Variants in SLC6A2 observed in about 807,000 individuals in gnomAD.
The protein encoded by SLC6A2 is sodium-dependent noradrenaline transporter.
Under a neutral mutation model 71.7 loss-of-function variants are expected in SLC6A2, and 26 were observed. The observed-to-expected ratio is 0.36, with a 90% CI of 0.27 to 0.50. SLC6A2 has a LOEUF of 0.50. SLC6A2 is among the 20% of genes least tolerant of loss of function. The pLI, the probability that SLC6A2 is intolerant of heterozygous loss-of-function variation, is 0.96. For synonymous variants in SLC6A2, 363 were observed against 337.9 expected, an observed-to-expected ratio of 1.07 and a Z score of -0.82; for missense variants, 581 against 803.9, an observed-to-expected ratio of 0.72 and a Z score of 3.35.
In SLC6A2 at chr16:55,700,164, A is replaced by C. The variant is rs781424360; in HGVS notation, c.1616A>C (p.Asn539Thr). 5.0e-6 allele frequency: 8 copies of C among 1,613,776 alleles called. No homozygotes were observed. The highest frequency in any genetic ancestry group is 5.9e-6 in the Non-Finnish European group (7 of 1,179,992). ...TTCGTGGTTGTGGTCAGCATCATCA[A>C]CTTCAAGCCACTCACCTACGACGAC... ...LLFVVVVSIINFKPLTYDDYI... is the reference protein window; with the variant it reads ...LLFVVVVSIITFKPLTYDDYI... Residue 539 changes from asparagine (N) to threonine (T), a missense_variant, in exon 13 of 15, where the codon AAC becomes ACC. Asn to Thr is a moderately conservative substitution (Grantham distance 65). Coordinates refer to ENST00000568943, the MANE Select transcript of SLC6A2 (RefSeq NM_001172501.3).
Position 55,656,811 on chromosome 16 carries a change from C to T in SLC6A2, c.117C>T (p.Arg39=), listed in dbSNP as rs11568321. The T allele has an allele frequency of 3.9e-4, 632 of 1,613,404 alleles. 5 individuals carry two copies. In the African/African-American group the frequency reaches 7.3e-3, roughly 19 times the overall value. ...CGGAGCTGCTGGTGGTGAAGGAGCG[C>T]AACGGCGTCCAGTGCCTGCTGGCGC... ...KTAELLVVKE[R]NGVQCLLAPR... Residue 39 remains arginine (R), a synonymous_variant, in exon 2 of 15, where the codon CGC becomes CGT. Transcript: ENST00000568943. This position sits in a 1 kb window ranked among gnomAD's most constrained non-coding sequence, Gnocchi z 4.5.
chr16:55,667,099 G>A (rs1371418097), intron 2 of SLC6A2, among the ~76,000 whole-genome samples: 2 of 151,840 alleles, frequency 1.3e-5, no homozygotes, highest in African/African-American at 4.8e-5. Context: ...CTCAAACTCT[G>A]ATGCCCAGGC....
At chr16:55,661,342 G>A (rs1425363414) in intron 2 of SLC6A2, among the ~76,000 whole-genome samples, 1 of 152,150 alleles carries the variant, frequency 6.6e-6, no homozygotes, top group African/African-American at 2.4e-5. Context: ...TGCTAGAAAG[G>A]TAACGATAGA....
In SLC6A2 at chr16:55,658,765, C is replaced by T. The variant is rs375778067; in HGVS notation, c.274+1797C>T. On this transcript the variant is annotated intron_variant, in intron 2 of 14. Coordinates refer to ENST00000568943, the MANE Select transcript of SLC6A2 (RefSeq NM_001172501.3). ...GGCATCTGAGGTCTGGGGCCTGATC[C>T]GTGGGGAAACAACTTGTGACTCTGC... Among the ~76,000 whole-genome samples, 85 of 152,230 alleles carry T rather than the reference C, an allele frequency of 5.6e-4. No individual in the cohort carries two copies. In the South Asian group the frequency reaches 0.013, roughly 23 times the overall value.
rs927034389 is a variant in SLC6A2 at position 55,705,915 on chromosome 16, C to T, written c.*3569C>T. 5.9e-5 allele frequency: 9 copies of T among 152,210 alleles called. 1 individual carries two copies. The highest frequency in any genetic ancestry group is 1.7e-4 in the African/African-American group (7 of 41,458). 9.4% of individuals were successfully genotyped at this position (152,210 alleles called of 1,614,324 possible). On this transcript the variant is annotated 3_prime_UTR_variant, in exon 15 of 15. Transcript: ENST00000568943. ...TGTTTTGAGGCTTTGGAGGGTAACACATTTTCATACCCTGTGAGTCCCAGG... is the reference window on the plus strand; with the variant it reads ...TGTTTTGAGGCTTTGGAGGGTAACATATTTTCATACCCTGTGAGTCCCAGG...
chr16:55,683,658 A>C (rs921533932), intron 4 of SLC6A2, among the ~76,000 whole-genome samples: 9 of 151,970 alleles, frequency 5.9e-5, no homozygotes, highest in South Asian at 2.1e-4. Flanking sequence ...AAAACAAAAG[A>C]AAAAAAACCC....
At chr16:55,669,948 A>G (rs1964858451) in intron 3 of SLC6A2, among the ~76,000 whole-genome samples, 1 of 152,152 alleles carries the variant, frequency 6.6e-6, no homozygotes, top group Non-Finnish European at 1.5e-5. Context: ...CAGAGAATCT[A>G]TTTCCTGTAT....
At chr16:55,670,041 G>A (rs1355445036) in intron 3 of SLC6A2, among the ~76,000 whole-genome samples, 2 of 152,226 alleles carry the variant, frequency 1.3e-5, no homozygotes, top group Non-Finnish European at 2.9e-5. Context: ...GGCGTTAGAA[G>A]TTGATCATGG....
At chr16:55,696,198 T>C in intron 8 of SLC6A2, 27 bp from the exon 9 acceptor site, 1 of 1,381,566 alleles carries the variant, frequency 7.2e-7, no homozygotes, top group African/African-American at 1.4e-5. Context: ...TTTCAGCCAT[T>C]GATGAGGTCC....
Position 55,702,857 on chromosome 16 carries a change from C to A in SLC6A2, c.*511C>A, listed in dbSNP as rs767335663. The A allele has an allele frequency of 1.3e-4, 132 of 995,496 alleles. No homozygotes were observed. Among genetic ancestry groups the A allele is most frequent in the Non-Finnish European group, 1.4e-4 (119 of 835,806 alleles). 61.7% of individuals were successfully genotyped at this position (995,496 alleles called of 1,614,324 possible). A position where few individuals can be genotyped will look rare whatever the true frequency, so the allele number is the denominator to read the frequency against. ...CCTCCTCTTGCCCACCCTAGACAGCCCTCTCATGTCTGAACCTCAGCCTGG... is the reference window on the plus strand; with the variant it reads ...CCTCCTCTTGCCCACCCTAGACAGCACTCTCATGTCTGAACCTCAGCCTGG... On this transcript the variant is annotated 3_prime_UTR_variant, in exon 15 of 15. Coordinates refer to ENST00000568943, the MANE Select transcript of SLC6A2 (RefSeq NM_001172501.3).
At chr16:55,666,478 C>G (rs1267434521) in intron 2 of SLC6A2, among the ~76,000 whole-genome samples, 1 of 152,216 alleles carries the variant, frequency 6.6e-6, no homozygotes, top group Non-Finnish European at 1.5e-5. Context: ...AGTCCTTGGG[C>G]AAGCTAGCTG....
rs537381206 is a variant in SLC6A2 at position 55,661,356 on chromosome 16, A to G, written c.274+4388A>G. 2.6e-5 allele frequency among the ~76,000 whole-genome samples: 4 copies of G among 152,348 alleles called. No individual in the cohort carries two copies. The South Asian group carries it at 6.2e-4, about 24-fold the overall frequency. On this transcript the variant is annotated intron_variant, in intron 2 of 14. Coordinates refer to ENST00000568943, the MANE Select transcript of SLC6A2 (RefSeq NM_001172501.3). ...TTGCTAGAAAGGTAACGATAGACAA[A>G]TCACTCACCTTTGCTGATCTGAGCT...
chr16:55,695,818 C>T (rs993842864), intron 8 of SLC6A2, among the ~76,000 whole-genome samples: 1 of 152,198 alleles, frequency 6.6e-6, no homozygotes, highest in African/African-American at 2.4e-5. Context: ...AGTATTCACA[C>T]CCCAATCAAT....
Position 55,702,934 on chromosome 16 carries a change from G to T in SLC6A2, c.*588G>T. On this transcript the variant is annotated 3_prime_UTR_variant, in exon 15 of 15. Coordinates refer to ENST00000568943, the MANE Select transcript of SLC6A2 (RefSeq NM_001172501.3). Reference sequence around the variant, plus strand: ...GAAGTCAGTGGATAGATGCTTTGAGGGATTTTGAGTAGAAACATTCATAGT... The same window carrying T: ...GAAGTCAGTGGATAGATGCTTTGAGTGATTTTGAGTAGAAACATTCATAGT... The T allele has an allele frequency of 1.0e-6, 1 of 988,138 alleles. No homozygotes were observed. The highest frequency in any genetic ancestry group is 5.9e-5 in the Admixed American group (1 of 16,882). 61.2% of individuals were successfully genotyped at this position (988,138 alleles called of 1,614,324 possible).
Position 55,672,183 on chromosome 16 carries a change from A to G in SLC6A2, c.644+8A>G, listed in dbSNP as rs535274149. 25 of 1,614,076 alleles carry G rather than the reference A, an allele frequency of 1.5e-5. No individual in the cohort carries two copies. The highest frequency in any genetic ancestry group is 1.7e-5 in the Non-Finnish European group (20 of 1,180,034). ...GGCAGCCGAGTTTTATGAGTAAGTCACAGACCCCTTGTGCTGGGCCTGTTG... is the reference window on the plus strand; with the variant it reads ...GGCAGCCGAGTTTTATGAGTAAGTCGCAGACCCCTTGTGCTGGGCCTGTTG... On this transcript the variant is annotated splice_region_variant and intron_variant, in intron 4 of 14. Coordinates refer to ENST00000568943, the MANE Select transcript of SLC6A2 (RefSeq NM_001172501.3).
intron 3 of SLC6A2, 70 bp from the exon 4 acceptor site, chr16:55,671,868 C>CGTGTG (rs1336328442): frequency 1.2e-6 from 2 of 1,608,036 alleles, no homozygotes; most frequent in Non-Finnish European, 1.7e-6. Context: ...GTGGTGGAGC[C>CGTGTG]ACACCCAAGG....
chr16:55,674,071 G>C (rs1472747218), intron 4 of SLC6A2, among the ~76,000 whole-genome samples: 1 of 152,024 alleles, frequency 6.6e-6, no homozygotes, highest in Non-Finnish European at 1.5e-5. Context: ...ACACAAGTAG[G>C]TTGTTACATG....
rs1403162776 is a variant in SLC6A2 at position 55,685,288 on chromosome 16, T to C, written c.783+7T>C. The C allele has an allele frequency of 1.2e-6, 2 of 1,613,474 alleles. No individual in the cohort carries two copies. Among genetic ancestry groups the C allele is most frequent in the Non-Finnish European group, 1.7e-6 (2 of 1,179,410 alleles). ...GGTGAAGACATCAGGAAAGGTAATATCTCTGTGTTTCTCTTTCACTTACTT... is the reference window on the plus strand; with the variant it reads ...GGTGAAGACATCAGGAAAGGTAATACCTCTGTGTTTCTCTTTCACTTACTT... On this transcript the variant is annotated splice_region_variant and intron_variant, in intron 5 of 14. Transcript: ENST00000568943.
In SLC6A2 at chr16:55,702,794, G is replaced by T. The variant is rs1486090001; in HGVS notation, c.*448G>T. ...TAAAGCAAAAATCAAACAAAATCTG[G>T]CTGAGTTTAGTGGGGTGGTTGGGGA... is the stretch of plus-strand genomic sequence containing the variant. On this transcript the variant is annotated 3_prime_UTR_variant, in exon 15 of 15. Transcript: ENST00000568943. 8 of 1,054,622 alleles carry T rather than the reference G, an allele frequency of 7.6e-6. No homozygotes were observed. Among genetic ancestry groups the T allele is most frequent in the African/African-American group, 3.4e-5 (2 of 58,762 alleles). The allele number at this position is 1,054,622 out of a possible 1,614,324, so 65.3% of individuals were successfully genotyped here. A position where few individuals can be genotyped will look rare whatever the true frequency, so the allele number is the denominator to read the frequency against.
Sources: gnomAD v4.1 joint callset for allele counts (sites outside exome capture counted in the v4.1 genomes callset) on GRCh38, gnomAD v4.1.1 for gene constraint, Gnocchi (gnomAD v3.1) non-coding constraint, MANE v1.5 for transcripts, NCBI Gene and HGNC (gene_info 2026-07-23, HGNC 2026-07-21) for gene names.